Variants in CSMD2 observed in about 807,000 individuals in gnomAD.
CSMD2 encodes CUB and Sushi multiple domains 2, also known as CUB and sushi domain-containing protein 2.
In CSMD2, 130 loss-of-function variants were observed where a neutral mutation model predicts 398.5. The ratio of observed to expected loss-of-function variants is 0.33; its 90% confidence interval spans 0.28 to 0.38. The LOEUF is 0.38. Ranked by LOEUF, CSMD2 falls within the 10% of genes least tolerant of loss-of-function variation. The pLI is 1.00. For missense variants in CSMD2, 3,829 were observed against 4,764.9 expected (o/e 0.80, Z 5.78); for synonymous variants, 1,828 against 1,908.5 (o/e 0.96, Z 1.10).
intron 1 of CSMD2, among the ~76,000 whole-genome samples, chr1:34,141,091 A>G (rs1639249705): frequency 6.6e-6 from 1 of 151,984 alleles, no homozygotes; most frequent in Non-Finnish European, 1.5e-5. Flanking sequence ...CCTGAAAACT[A>G]CCTGCTCCAC....
intron 64 of CSMD2, among the ~76,000 whole-genome samples, chr1:33,530,772 A>C (rs923410774): frequency 2.0e-5 from 3 of 152,230 alleles, no homozygotes; most frequent in Non-Finnish European, 2.9e-5. Flanking sequence ...TTAAAAAAGA[A>C]AGAAATTCTG....
Position 33,725,275 on chromosome 1 carries a change from G to C in CSMD2, c.2695+74C>G. ...TGGGGCCAAGCAGGGGCCTGTGGTG[G>C]AGCACAGTCCTGAGGCCTTTGACCC... On this transcript the variant is annotated intron_variant, in intron 17 of 70. Coordinates refer to ENST00000373381, the MANE Select transcript of CSMD2 (RefSeq NM_001281956.2). 4 of 1,280,258 alleles carry C rather than the reference G, an allele frequency of 3.1e-6. No homozygotes were observed. The South Asian group carries it at 5.0e-5, about 16-fold the overall frequency. 79.3% of individuals were successfully genotyped at this position (1,280,258 alleles called of 1,614,324 possible).
chr1:34,013,715 ACT>A (rs1213467248), intron 3 of CSMD2, among the ~76,000 whole-genome samples: 1 of 152,148 alleles, frequency 6.6e-6, no homozygotes, highest in African/African-American at 2.4e-5. Flanking sequence ...GGCAAAGGGC[ACT>A]CTCTGAATAC....
intron 1 of CSMD2, among the ~76,000 whole-genome samples, chr1:34,094,343 G>A (rs961347640): frequency 3.3e-5 from 5 of 151,720 alleles, no homozygotes; most frequent in Non-Finnish European, 7.4e-5. Flanking sequence ...GGAAGAAACT[G>A]CATCAACTAA....
chr1:33,577,829 G>T (rs373842877), intron 48 of CSMD2, among the ~76,000 whole-genome samples: 1 of 152,138 alleles, frequency 6.6e-6, no homozygotes, highest in East Asian at 1.9e-4. Context: ...GAACCCAATG[G>T]GGTTGGTTCC....
intron 22 of CSMD2, among the ~76,000 whole-genome samples, chr1:33,706,105 A>G (rs1645769403): frequency 6.6e-6 from 1 of 152,146 alleles, no homozygotes; most frequent in Non-Finnish European, 1.5e-5. Context: ...AAGTTAGGTG[A>G]TATGTCACAG....
chr1:33,674,549 CA>C (rs1644632069), intron 25 of CSMD2, among the ~76,000 whole-genome samples: 2 of 152,128 alleles, frequency 1.3e-5, no homozygotes, highest in Admixed American at 6.5e-5. Flanking sequence ...GACAGATCAA[CA>C]AGACAGAAAG....
intron 1 of CSMD2, among the ~76,000 whole-genome samples, chr1:34,157,055 G>T (rs1019536504): frequency 1.3e-5 from 2 of 152,146 alleles, no homozygotes; most frequent in African/African-American, 4.8e-5. Context: ...CTGCCCTGGG[G>T]TTCCTGGTTT....
At chr1:34,047,561 G>A (rs924335739) in intron 2 of CSMD2, among the ~76,000 whole-genome samples, 3 of 152,084 alleles carry the variant, frequency 2.0e-5, no homozygotes, top group Non-Finnish European at 2.9e-5. Flanking sequence ...AATTCCACGA[G>A]GGCAGGGATT....
At chr1:33,796,397 C>A (rs1397201215) in intron 10 of CSMD2, among the ~76,000 whole-genome samples, 1 of 152,178 alleles carries the variant, frequency 6.6e-6, no homozygotes, top group African/African-American at 2.4e-5. Flanking sequence ...TATATCAGTT[C>A]CCAAATAATA....
chr1:33,670,797 G>T (rs538325488), intron 25 of CSMD2, among the ~76,000 whole-genome samples: 3 of 152,192 alleles, frequency 2.0e-5, no homozygotes, highest in Non-Finnish European at 4.4e-5. Context: ...TAAGAATATG[G>T]CATGCTTCCA....
chr1:33,778,746 A>G (rs939679564), intron 12 of CSMD2, among the ~76,000 whole-genome samples: 1 of 152,190 alleles, frequency 6.6e-6, no homozygotes, highest in African/African-American at 2.4e-5. Context: ...TCCAATACAA[A>G]TGACCAGGGC....
chr1:33,615,362 A>G (rs1369743079), intron 39 of CSMD2, among the ~76,000 whole-genome samples: 1 of 152,352 alleles, frequency 6.6e-6, no homozygotes, highest in African/African-American at 2.4e-5. Context: ...GAAAGGGGCT[A>G]GCCAGTCTTA....
intron 10 of CSMD2, among the ~76,000 whole-genome samples, chr1:33,795,005 T>C (rs551290979): frequency 6.6e-6 from 1 of 151,922 alleles, no homozygotes; most frequent in South Asian, 2.1e-4. Flanking sequence ...AAGTGGGATG[T>C]GGGCCTGTAG....
intron 3 of CSMD2, among the ~76,000 whole-genome samples, chr1:33,983,778 T>A (rs928679425): frequency 1.3e-5 from 2 of 152,074 alleles, no homozygotes; most frequent in Non-Finnish European, 2.9e-5. Flanking sequence ...GCAGCCTGCC[T>A]CCCTGAAGCT....
chr1:34,012,368 T>C (rs1373069175), intron 3 of CSMD2, among the ~76,000 whole-genome samples: 1 of 152,160 alleles, frequency 6.6e-6, no homozygotes, highest in African/African-American at 2.4e-5. Flanking sequence ...CCCAGATCCG[T>C]CTTATCCTCC....
At chr1:33,873,309 A>G (rs1326641635) in intron 5 of CSMD2, among the ~76,000 whole-genome samples, 2 of 152,182 alleles carry the variant, frequency 1.3e-5, no homozygotes, top group Non-Finnish European at 2.9e-5. Flanking sequence ...GGAGAGCCAG[A>G]GGGTAGATTG....
At chr1:33,820,578 A>AAC (rs755590381) in intron 7 of CSMD2, 22 bp from the exon 8 acceptor site, 16 of 1,185,444 alleles carry the variant, frequency 1.3e-5, no homozygotes, top group East Asian at 2.4e-5. Context: ...AAAAAAAAAA[A>AAC]AAAAAAAAAA....
intron 15 of CSMD2, among the ~76,000 whole-genome samples, chr1:33,735,262 G>A (rs144745545): frequency 3.3e-5 from 5 of 152,332 alleles, no homozygotes; most frequent in Admixed American, 1.3e-4. Context: ...TAACCTGTCT[G>A]TGTCCTAGCA....
Sources: gnomAD v4.1 joint callset for allele counts (sites outside exome capture counted in the v4.1 genomes callset) on GRCh38, gnomAD v4.1.1 for gene constraint, MANE v1.5 for transcripts, NCBI Gene and HGNC (gene_info 2026-07-23, HGNC 2026-07-21) for gene names.